The following LIPN variants were observed in gnomAD, a reference collection of about 807,000 sequenced individuals.
The protein encoded by LIPN is lipase family member N, also known as lipase member N.
Under a neutral mutation model 43.7 loss-of-function variants are expected in LIPN, and 32 were observed. The ratio of observed to expected loss-of-function variants is 0.73; its 90% CI spans 0.55 to 0.98. The LOEUF is 0.98. Among genes scored for constraint, LIPN ranks in the 50% least tolerant of loss-of-function variants. The pLI is 0.00. For synonymous variants in LIPN, 156 were observed against 157.6 expected, an observed-to-expected ratio of 0.99 and a Z score of 0.08; for missense variants, 505 against 483.8, an observed-to-expected ratio of 1.04 and a Z score of -0.41.
At chr10:88,766,437 T>C (rs1022456761) in intron 5 of LIPN, 59 bp downstream of exon 5, 2 of 971,626 alleles carry the variant, frequency 2.1e-6, no homozygotes, top group African/African-American at 3.2e-5. Flanking sequence ...CTCAGAGTCT[T>C]ACAGGAGTTC....
At chr10:88,777,951 T>G in intron 9 of LIPN, 58 bp from the exon 10 acceptor site, 1 of 1,029,272 alleles carries the variant, frequency 9.7e-7, no homozygotes, top group Non-Finnish European at 1.5e-6. Context: ...TAGCAGCCTT[T>G]GTAGTTATTG....
At chr10:88,773,017 G>C (rs930682381) in intron 7 of LIPN, among the ~76,000 whole-genome samples, 2 of 151,580 alleles carry the variant, frequency 1.3e-5, no homozygotes, top group Non-Finnish European at 2.9e-5. Context: ...TTAAAAAATG[G>C]AAAGGTATTC....
chr10:88,758,432 C>T (rs1187779356), upstream of LIPN, among the ~76,000 whole-genome samples: 1 of 149,588 alleles, frequency 6.7e-6, no homozygotes, highest in Non-Finnish European at 1.5e-5. Context: ...TCCCACAGGG[C>T]CAAGGAACAA....
Position 88,765,505 on chromosome 10 carries a change from T to A in LIPN, c.426-764T>A, listed in dbSNP as rs138848239. On this transcript the variant is annotated intron_variant, in intron 4 of 9. Transcript: ENST00000404459. ...ACAACAATTCTCCTATTCTTGTAAG[T>A]CCCAATCTATAGATTTCCTCACATG... is the stretch of plus-strand genomic sequence containing the variant. 1.1e-3 allele frequency among the ~76,000 whole-genome samples: 163 copies of A among 152,048 alleles called. 2 individuals carry two copies. The East Asian group carries it at 0.015, about 14-fold the overall frequency.
chr10:88,761,328 A>G, intron 1 of LIPN, 70 bp from the exon 2 acceptor site: 2 of 917,032 alleles, frequency 2.2e-6, no homozygotes, highest in Non-Finnish European at 3.6e-6. Flanking sequence ...TAATTTCACT[A>G]ATCATTTTAT....
chr10:88,763,082 G>A (rs188571), intron 3 of LIPN, among the ~76,000 whole-genome samples: 35,892 of 151,866 alleles, frequency 0.24, 4,385 homozygotes, highest in East Asian at 0.35. Flanking sequence ...GAGCAGCTGA[G>A]GTCATGTTTG....
rs11202845 is a variant in LIPN at position 88,761,595 on chromosome 10, G to A, written c.108+82G>A. The A allele has an allele frequency of 5.7e-6, 5 of 874,152 alleles. No homozygotes were observed. The Admixed American group carries it at 8.6e-5, about 15-fold the overall frequency. The allele number at this position is 874,152 out of a possible 1,614,324, so 54.1% of individuals were successfully genotyped here. A position where few individuals can be genotyped will look rare whatever the true frequency, so the allele number is the denominator to read the frequency against. On this transcript the variant is annotated intron_variant, in intron 2 of 9. Transcript: ENST00000404459. ...GGTTACGAAAGGTCCTGTTGTAACA[G>A]AAAATCTCTGATAAAACAGATAAAA...
chr10:88,779,489 G>A lies in LIPN; in HGVS notation c.*1247G>A, dbSNP rs303489. Among the ~76,000 whole-genome samples, 121,110 of 152,118 alleles carry A rather than the reference G, an allele frequency of 0.8. 49,221 individuals carry two copies. The highest frequency in any genetic ancestry group is 1 in the East Asian group (5,156 of 5,176). On this transcript the variant is annotated 3_prime_UTR_variant, in exon 10 of 10. Transcript: ENST00000404459. ...CCATGATATAATGTTATGTGAAGAG[G>A]AGAAAATGAAACTGGTAGAACTATG...
intron 3 of LIPN, 113 bp from the exon 4 acceptor site, chr10:88,764,297 G>A (rs1843051427): frequency 9.6e-6 from 7 of 732,858 alleles, no homozygotes; most frequent in African/African-American, 8.8e-5. Context: ...ATGTGTGTAT[G>A]TGTGTGTGTC....
At chr10:88,767,569 T>A (rs1843123992) in intron 5 of LIPN, among the ~76,000 whole-genome samples, 1 of 139,646 alleles carries the variant, frequency 7.2e-6, no homozygotes, top group Non-Finnish European at 1.5e-5. Context: ...GGAGAAATGG[T>A]GTAGAGAAGA....
At chr10:88,760,972 T>G (rs1308291016) in intron 1 of LIPN, among the ~76,000 whole-genome samples, 1 of 152,116 alleles carries the variant, frequency 6.6e-6, no homozygotes, top group Non-Finnish European at 1.5e-5. Flanking sequence ...TTGGTTAAAG[T>G]TTTATTGATC....
At chr10:88,765,271 T>C (rs1208230714) in intron 4 of LIPN, among the ~76,000 whole-genome samples, 1 of 152,032 alleles carries the variant, frequency 6.6e-6, no homozygotes, top group Non-Finnish European at 1.5e-5. Context: ...ATGCCTGCGA[T>C]AGACTTTTCT....
At chr10:88,773,674 G>A (rs1029196331) in intron 7 of LIPN, among the ~76,000 whole-genome samples, 1 of 151,894 alleles carries the variant, frequency 6.6e-6, no homozygotes, top group African/African-American at 2.4e-5. Flanking sequence ...CAGCCAATGA[G>A]GCTGTTACAG....
In LIPN at chr10:88,770,987, A is replaced by G; in HGVS notation, c.815A>G (p.Asn272Ser). 6.4e-7 allele frequency: 1 copy of G among 1,570,004 alleles called. No individual in the cohort carries two copies. Among genetic ancestry groups the G allele is most frequent in the Non-Finnish European group, 8.7e-7 (1 of 1,155,568 alleles). The stretch of plus-strand genomic sequence containing the variant: ...GCTGGATCCAACAAGAAAAATATGA[A>G]TCAGGTATGTATGATAATTATAGGG... ...LWAGSNKKNM[N>S]QSRMDVYMSH... Residue 272 changes from asparagine (N) to serine (S), a missense_variant, in exon 7 of 10, where the codon AAT (asparagine) becomes AGT (serine). Physicochemically the swap from Asn to Ser is conservative, Grantham distance 46. Transcript: ENST00000404459.
In LIPN at chr10:88,764,597, C is replaced by A. The variant is rs1373124815; in HGVS notation, c.414C>A (p.Phe138Leu). 6.3e-7 allele frequency: 1 copy of A among 1,599,788 alleles called. No homozygotes were observed. Among genetic ancestry groups the A allele is most frequent in the Non-Finnish European group, 8.5e-7 (1 of 1,172,504 alleles). Residue 138 changes from phenylalanine (F) to leucine (L), a missense_variant, in exon 4 of 10, where the codon TTC becomes TTA. By Grantham distance (22) the Phe-to-Leu change is conservative. Transcript: ENST00000404459. ...HKTLSETDEK[F>L]WAFSFDEMAK... ...CACTCTCAGAGACAGATGAGAAATT[C>A]TGGGCCTTTAGGTAAATATTAGCTA...
chr10:88,763,306 A>T (rs1368177), intron 3 of LIPN, among the ~76,000 whole-genome samples: 35,889 of 151,958 alleles, frequency 0.24, 4,377 homozygotes, highest in East Asian at 0.35. Flanking sequence ...GCATCCTGGA[A>T]CTTTTTGCTT....
rs114972330 is a variant in LIPN, at chr10:88,770,359, G to A, written c.673-486G>A. On this transcript the variant is annotated intron_variant, in intron 6 of 9. Transcript: ENST00000404459. Reference sequence around the variant, plus strand: ...ACACATGGGTAACATGGAAAACCCCGATTTTCCCTTATATTCAAGGTATTA... The same window carrying A: ...ACACATGGGTAACATGGAAAACCCCAATTTTCCCTTATATTCAAGGTATTA... 9.5e-3 allele frequency among the ~76,000 whole-genome samples: 1,442 copies of A among 151,876 alleles called. 19 individuals carry two copies. Among genetic ancestry groups the A allele is most frequent in the African/African-American group, 0.032 (1,316 of 41,496 alleles).
chr10:88,778,938 T>C lies in LIPN; in HGVS notation c.*696T>C, dbSNP rs1843341979. The stretch of plus-strand genomic sequence containing the variant: ...CATAGGGAGGCTTCTTTGTTTAGCA[T>C]GTAATGCCCCCTTTACAGGCTTTTT... On this transcript the variant is annotated 3_prime_UTR_variant, in exon 10 of 10. Transcript: ENST00000404459. 6.6e-6 allele frequency among the ~76,000 whole-genome samples: 1 copy of C among 152,204 alleles called. No homozygotes were observed. The highest frequency in any genetic ancestry group is 2.4e-5 in the African/African-American group (1 of 41,460).
intron 4 of LIPN, among the ~76,000 whole-genome samples, 156 bp downstream of exon 4, chr10:88,764,764 A>T (rs747558413): frequency 1.9e-4 from 29 of 151,952 alleles, no homozygotes; most frequent in Admixed American, 3.3e-4. Context: ...AGAAGCTCTG[A>T]TTTTTCACTG....
Sources: gnomAD v4.1 joint callset for allele counts (sites outside exome capture counted in the v4.1 genomes callset) on GRCh38, gnomAD v4.1.1 for gene constraint, MANE v1.5 for transcripts, NCBI Gene and HGNC (gene_info 2026-07-23, HGNC 2026-07-21) for gene names.